The following SPAG16 variants were observed in gnomAD, a reference collection of about 807,000 sequenced individuals.
SPAG16 encodes the protein sperm associated antigen 16.
SPAG16 carries 86 observed loss-of-function variants against 80.4 expected under a neutral mutation model. The observed-to-expected ratio is 1.07, with a 90% CI of 0.90 to 1.28. The LOEUF (loss-of-function observed/expected upper bound fraction) is 1.28, where lower values mean the gene tolerates loss of function less well. SPAG16 is among the 50% of genes most tolerant of loss of function. The probability of loss-of-function intolerance (pLI) is 0.00; values close to 1 mark genes in which losing one functional copy is unlikely to be tolerated. For missense variants in SPAG16, 870 were observed against 765.3 expected, an observed-to-expected ratio of 1.14 and a Z score of -1.61; for synonymous variants, 294 against 265.9, an observed-to-expected ratio of 1.11 and a Z score of -1.03.
intron 1 of SPAG16, among the ~76,000 whole-genome samples, chr2:213,293,806 A>G (rs1204412707): frequency 6.6e-6 from 1 of 152,246 alleles, no homozygotes; most frequent in African/African-American, 2.4e-5. Context: ...GTAATTGACA[A>G]CATTACATAT....
At chr2:213,543,080 CAG>C (rs773467781) in intron 10 of SPAG16, among the ~76,000 whole-genome samples, 5 of 151,992 alleles carry the variant, frequency 3.3e-5, no homozygotes, top group Admixed American at 2.6e-4. Flanking sequence ...AAAAGATAAT[CAG>C]AAAGTATTAA....
chr2:213,683,511 A>G (rs2064498900), intron 10 of SPAG16, among the ~76,000 whole-genome samples: 3 of 152,136 alleles, frequency 2.0e-5, no homozygotes, highest in African/African-American at 7.2e-5. Context: ...AGATCGCATC[A>G]CTGCATTCCA....
At chr2:213,792,002 A>G (rs945460676) in intron 10 of SPAG16, among the ~76,000 whole-genome samples, 1 of 152,238 alleles carries the variant, frequency 6.6e-6, no homozygotes, top group South Asian at 2.1e-4. Flanking sequence ...AAATTATTTC[A>G]GAACAAGATA....
chr2:213,639,051 A>G (rs1232130265), intron 10 of SPAG16, among the ~76,000 whole-genome samples: 2 of 152,062 alleles, frequency 1.3e-5, no homozygotes, highest in African/African-American at 4.8e-5. Context: ...TTGTCTAAGA[A>G]TAGTTGACTC....
chr2:214,227,379 T>C (rs2058720131), intron 15 of SPAG16, among the ~76,000 whole-genome samples: 1 of 152,030 alleles, frequency 6.6e-6, no homozygotes, highest in Non-Finnish European at 1.5e-5. Flanking sequence ...CAAGAGAGAA[T>C]TAAGTAAATA....
intron 10 of SPAG16, among the ~76,000 whole-genome samples, chr2:213,823,448 C>T (rs2073075892): frequency 6.6e-6 from 1 of 152,106 alleles, no homozygotes. Flanking sequence ...ACAATCTCTG[C>T]CTCCCAAGTT....
intron 9 of SPAG16, among the ~76,000 whole-genome samples, chr2:213,477,371 G>A (rs553364736): frequency 6.6e-6 from 1 of 152,312 alleles, no homozygotes; most frequent in African/African-American, 2.4e-5. Context: ...TCCACTGACA[G>A]CTTGCACCAT....
intron 15 of SPAG16, among the ~76,000 whole-genome samples, chr2:214,302,772 C>T (rs55890854): frequency 0.052 from 7,870 of 152,196 alleles, 683 homozygotes; most frequent in African/African-American, 0.18. Context: ...TGTGAGCCAC[C>T]GCGCCTGGCC....
At chr2:213,562,993 G>T (rs192575552) in intron 10 of SPAG16, among the ~76,000 whole-genome samples, 1 of 152,188 alleles carries the variant, frequency 6.6e-6, no homozygotes. Context: ...CACGCTGGGC[G>T]TTAGGATTTC....
At chr2:213,748,005 G>A (rs926030086) in intron 10 of SPAG16, among the ~76,000 whole-genome samples, 9 of 152,098 alleles carry the variant, frequency 5.9e-5, no homozygotes, top group Non-Finnish European at 1.0e-4. Context: ...CAAGTTGGAC[G>A]ATTATTGTTA....
chr2:214,358,908 C>T (rs1698993936), intron 15 of SPAG16, among the ~76,000 whole-genome samples: 1 of 151,866 alleles, frequency 6.6e-6, no homozygotes, highest in Non-Finnish European at 1.5e-5. Flanking sequence ...GCATTTAGAA[C>T]CTATGACTTC....
intron 12 of SPAG16, among the ~76,000 whole-genome samples, chr2:213,962,883 T>C (rs2106356964): frequency 6.6e-6 from 1 of 152,326 alleles, no homozygotes; most frequent in Non-Finnish European, 1.5e-5. Context: ...AGTGAGGTCC[T>C]CTCTCTTGTT....
At chr2:213,779,769 C>T (rs538819069) in intron 10 of SPAG16, among the ~76,000 whole-genome samples, 17 of 152,270 alleles carry the variant, frequency 1.1e-4, no homozygotes, top group African/African-American at 3.9e-4. Context: ...GTAGGGATAA[C>T]ATCTCCTGAA....
At chr2:214,285,131 T>A (rs1417982325) in intron 15 of SPAG16, among the ~76,000 whole-genome samples, 1 of 152,210 alleles carries the variant, frequency 6.6e-6, no homozygotes, top group Non-Finnish European at 1.5e-5. Flanking sequence ...TTCTTGCCAA[T>A]ATGTATCTTT....
intron 11 of SPAG16, among the ~76,000 whole-genome samples, chr2:213,874,603 A>G (rs1176758213): frequency 6.6e-6 from 1 of 152,158 alleles, no homozygotes; most frequent in Non-Finnish European, 1.5e-5. Flanking sequence ...ACATCACCAC[A>G]AACACATGAG....
At chr2:213,796,512 A>G (rs548250945) in intron 10 of SPAG16, among the ~76,000 whole-genome samples, 227 of 152,306 alleles carry the variant, frequency 1.5e-3, no homozygotes, top group African/African-American at 5.1e-3. Flanking sequence ...TTCTATGGAT[A>G]TACAGTCATG....
chr2:213,932,169 TATATATATATATATATATATA>T (rs371329590), intron 12 of SPAG16, among the ~76,000 whole-genome samples: 47,497 of 129,096 alleles, frequency 0.37, 9,378 homozygotes, highest in South Asian at 0.47. Flanking sequence ...TATATATATA[TATATATATATATATATATATA>T]TATATATATT....
intron 13 of SPAG16, among the ~76,000 whole-genome samples, chr2:214,024,071 AG>A (rs1280236337): frequency 6.6e-6 from 1 of 151,664 alleles, no homozygotes; most frequent in Non-Finnish European, 1.5e-5. Context: ...ATGAGATAAA[AG>A]TAAGTAAAAT....
At chr2:214,009,243 A>C (rs970237317) in intron 12 of SPAG16, among the ~76,000 whole-genome samples, 1 of 151,998 alleles carries the variant, frequency 6.6e-6, no homozygotes, top group Non-Finnish European at 1.5e-5. Flanking sequence ...CTACACTCCA[A>C]ATTTTAAGCA....
Sources: gnomAD v4.1 joint callset for allele counts (sites outside exome capture counted in the v4.1 genomes callset) on GRCh38, gnomAD v4.1.1 for gene constraint, MANE v1.5 for transcripts, NCBI Gene and HGNC (gene_info 2026-07-23, HGNC 2026-07-21) for gene names.